Variants in SPHKAP observed in about 807,000 individuals in gnomAD.
SPHKAP encodes the protein A-kinase anchor protein SPHKAP.
A neutral mutation model predicts 137.5 loss-of-function variants in SPHKAP; 67 were observed. That is an observed-to-expected ratio of 0.49 (90% CI 0.40 to 0.60). The LOEUF is 0.60. SPHKAP is among the 20% of genes least tolerant of loss of function. The pLI is 0.00. For synonymous variants in SPHKAP, 813 were observed against 785.3 expected, an observed-to-expected ratio of 1.04 and a Z score of -0.59; for missense variants, 2,097 against 2,069.3, an observed-to-expected ratio of 1.01 and a Z score of -0.26.
chr2:228,054,503 C>T lies in SPHKAP; in HGVS notation c.247-26960G>A, dbSNP rs983716389. Among the ~76,000 whole-genome samples, 9 of 152,044 alleles carry T rather than the reference C, an allele frequency of 5.9e-5. No homozygotes were observed. In the East Asian group the frequency reaches 7.7e-4, roughly 13 times the overall value. ...TGGCAATAAATCACTTAATTACAGACTTGCAATCAGATAATTTTAGGGAGT... is the reference window on the plus strand; with the variant it reads ...TGGCAATAAATCACTTAATTACAGATTTGCAATCAGATAATTTTAGGGAGT... On this transcript the variant is annotated intron_variant, in intron 3 of 11. Coordinates refer to ENST00000392056, the MANE Select transcript of SPHKAP (RefSeq NM_001142644.2).
At chr2:228,055,690 T>A (rs1029792222) in intron 3 of SPHKAP, among the ~76,000 whole-genome samples, 1 of 152,232 alleles carries the variant, frequency 6.6e-6, no homozygotes, top group Non-Finnish European at 1.5e-5. Flanking sequence ...TGCATACTGA[T>A]GACAGCTGAT....
chr2:228,005,073 C>G (rs1171031841), intron 7 of SPHKAP, among the ~76,000 whole-genome samples: 1 of 152,176 alleles, frequency 6.6e-6, no homozygotes, highest in Non-Finnish European at 1.5e-5. Flanking sequence ...ATTAGGTCCA[C>G]TTGGTGCAGA....
chr2:228,166,408 C>A (rs1163683219), intron 1 of SPHKAP, among the ~76,000 whole-genome samples: 2 of 152,132 alleles, frequency 1.3e-5, no homozygotes, highest in Admixed American at 1.3e-4. Context: ...ATTTACTTCA[C>A]ATGCCTTTTT....
intron 7 of SPHKAP, among the ~76,000 whole-genome samples, chr2:228,012,793 T>C (rs895125025): frequency 6.6e-6 from 1 of 152,244 alleles, no homozygotes; most frequent in Non-Finnish European, 1.5e-5. Flanking sequence ...CTTAAGATTA[T>C]GTCAGTAAGT....
intron 1 of SPHKAP, among the ~76,000 whole-genome samples, chr2:228,176,082 GA>G (rs1437470168): frequency 5.7e-4 from 87 of 152,316 alleles, no homozygotes; most frequent in African/African-American, 2.0e-3. Flanking sequence ...CCCAGATGAT[GA>G]AAATAAAGCA....
chr2:228,038,497 G>A (rs899640715), intron 3 of SPHKAP, among the ~76,000 whole-genome samples: 7 of 152,196 alleles, frequency 4.6e-5, no homozygotes, highest in African/African-American at 1.7e-4. Context: ...GCTGCATGCT[G>A]GAGCCACCAG....
chr2:228,149,316 TAA>T (rs1699862643), intron 1 of SPHKAP, among the ~76,000 whole-genome samples: 1 of 152,286 alleles, frequency 6.6e-6, no homozygotes, highest in East Asian at 1.9e-4. Flanking sequence ...TCTCAAAAGC[TAA>T]AAAGTCATTA....
At chr2:227,990,858 A>G (rs1393899277) in intron 11 of SPHKAP, 142 bp downstream of exon 11, 2 of 823,040 alleles carry the variant, frequency 2.4e-6, no homozygotes, top group African/African-American at 3.4e-5. Flanking sequence ...GGAAGATTTC[A>G]ATGTTCTAGC....
Position 228,018,076 on chromosome 2 carries a change from A to G in SPHKAP, c.2778T>C (p.Ile926=), listed in dbSNP as rs1286534190. The G allele has an allele frequency of 1.2e-6, 2 of 1,614,200 alleles. No individual in the cohort carries two copies. Among genetic ancestry groups the G allele is most frequent in the South Asian group, 2.2e-5 (2 of 91,084 alleles). The part of the protein sequence containing the change: ...LQTKHPDIYC[I]TDFAEELADT... ...CTGCTAATTCTTCCGCAAAGTCTGT[A>G]ATGCAGTAGATGTCTGGATGCTTTG... The change falls in exon 7 of 12, where the codon ATT becomes ATC. Residue 926 remains isoleucine, a synonymous_variant. Coordinates refer to ENST00000392056, the MANE Select transcript of SPHKAP (RefSeq NM_001142644.2).
chr2:228,015,798 AC>A (rs1694560414), intron 7 of SPHKAP, among the ~76,000 whole-genome samples: 1 of 152,184 alleles, frequency 6.6e-6, no homozygotes, highest in Admixed American at 6.5e-5. Flanking sequence ...AAGACAAAAA[AC>A]AAAAACAGAA....
chr2:228,070,825 C>T (rs543722537), intron 3 of SPHKAP, among the ~76,000 whole-genome samples: 1 of 152,150 alleles, frequency 6.6e-6, no homozygotes, highest in African/African-American at 2.4e-5. Context: ...CATCGCATAC[C>T]GTGTGTAATG....
chr2:228,038,972 T>C (rs750926705), intron 3 of SPHKAP, among the ~76,000 whole-genome samples: 1 of 152,228 alleles, frequency 6.6e-6, no homozygotes, highest in Non-Finnish European at 1.5e-5. Context: ...TTCCAGTACT[T>C]AGATTGGCTT....
chr2:228,154,445 C>G (rs1419626214), intron 1 of SPHKAP, among the ~76,000 whole-genome samples: 2 of 126,990 alleles, frequency 1.6e-5, no homozygotes, highest in South Asian at 2.7e-4. Context: ...GTCAATATTA[C>G]TTATTAAATT....
At chr2:228,136,178 C>T (rs1329825987) in intron 1 of SPHKAP, among the ~76,000 whole-genome samples, 1 of 152,192 alleles carries the variant, frequency 6.6e-6, no homozygotes, top group Non-Finnish European at 1.5e-5. Flanking sequence ...TACAGTACAG[C>T]TTTATAACTT....
chr2:227,988,249 CAG>C (rs1220538181), intron 11 of SPHKAP, among the ~76,000 whole-genome samples: 1 of 152,076 alleles, frequency 6.6e-6, no homozygotes, highest in Admixed American at 6.6e-5. Context: ...CCACTATGTG[CAG>C]AGAGTCTTAG....
At chr2:228,035,471 G>T (rs1695550493) in intron 3 of SPHKAP, among the ~76,000 whole-genome samples, 1 of 152,010 alleles carries the variant, frequency 6.6e-6, no homozygotes, top group Non-Finnish European at 1.5e-5. Flanking sequence ...GTAATTTATA[G>T]ATTCAATGCC....
At position 228,010,153 on chromosome 2, in the gene SPHKAP, C is replaced by T. The variant is rs58149259; in HGVS notation, c.4448+6253G>A. 2.2e-3 allele frequency among the ~76,000 whole-genome samples: 331 copies of T among 152,190 alleles called. 1 individual carries two copies. Among genetic ancestry groups the T allele is most frequent in the African/African-American group, 7.8e-3 (323 of 41,524 alleles). ...GTGAGGGCAATTATAGGGCTAATCA[C>T]GTTTGTTTCCCTTCGCTCAATGTGC... On this transcript the variant is annotated intron_variant, in intron 7 of 11. Coordinates refer to ENST00000392056, the MANE Select transcript of SPHKAP (RefSeq NM_001142644.2).
chr2:228,029,549 G>C (rs1252549392), intron 3 of SPHKAP, among the ~76,000 whole-genome samples: 1 of 152,140 alleles, frequency 6.6e-6, no homozygotes, highest in East Asian at 1.9e-4. Context: ...GGGGAAGAAA[G>C]GGCATGAAAG....
chr2:228,048,192 C>T (rs1184343083), intron 3 of SPHKAP, among the ~76,000 whole-genome samples: 3 of 152,138 alleles, frequency 2.0e-5, no homozygotes, highest in Non-Finnish European at 4.4e-5. Flanking sequence ...AATTGGAGCA[C>T]CCTCAAAAGA....
Sources: gnomAD v4.1 joint callset for allele counts (sites outside exome capture counted in the v4.1 genomes callset) on GRCh38, gnomAD v4.1.1 for gene constraint, MANE v1.5 for transcripts, NCBI Gene and HGNC (gene_info 2026-07-23, HGNC 2026-07-21) for gene names.